The following PRKAG2 variants were observed in gnomAD, a reference collection of about 807,000 sequenced individuals.
PRKAG2 encodes the protein 5'-AMP-activated protein kinase subunit gamma-2.
A neutral mutation model predicts 69.6 loss-of-function variants in PRKAG2; 26 were observed. That is an observed-to-expected ratio of 0.37 (90% CI 0.27 to 0.52). The LOEUF is 0.52. PRKAG2 is among the 20% of genes least tolerant of loss of function. The pLI, the probability that PRKAG2 is intolerant of heterozygous loss-of-function variation, is 0.90. For synonymous variants in PRKAG2, 293 were observed against 285.0 expected (o/e 1.03, Z -0.28); for missense variants, 557 against 740.0 (o/e 0.75, Z 2.87).
At chr7:151,804,593 T>C (rs1407520750) in intron 1 of PRKAG2, among the ~76,000 whole-genome samples, 3 of 152,106 alleles carry the variant, frequency 2.0e-5, no homozygotes, top group Admixed American at 6.6e-5. Context: ...GACAGTTTGC[T>C]CTCCTAACTA....
chr7:151,693,748 C>A (rs1164310743), intron 3 of PRKAG2, among the ~76,000 whole-genome samples: 1 of 152,158 alleles, frequency 6.6e-6, no homozygotes, highest in Admixed American at 6.5e-5. Context: ...CGCAGAGAGA[C>A]CCCTCCTCCT....
chr7:151,709,079 C>T lies in PRKAG2; in HGVS notation c.467-33442G>A, dbSNP rs1839104318. 2.0e-5 allele frequency among the ~76,000 whole-genome samples: 3 copies of T among 151,900 alleles called. No individual in the cohort carries two copies. In the South Asian group the frequency reaches 6.2e-4, roughly 32 times the overall value. On this transcript the variant is annotated intron_variant, in intron 3 of 15. Transcript: ENST00000287878. ...GCATGACATTGAGTGACGTGTGTGA[C>T]ACTGACACGTGATATTGAGTGATAT...
Position 151,683,054 on chromosome 7 carries a change from C to G in PRKAG2, c.467-7417G>C, listed in dbSNP as rs117398030. ...TGCTCCTTAAGGACTTTGTTTAGGACGCCGCCAGCCTCTGCAGTGAACAAT... is the reference window on the plus strand; with the variant it reads ...TGCTCCTTAAGGACTTTGTTTAGGAGGCCGCCAGCCTCTGCAGTGAACAAT... On this transcript the variant is annotated intron_variant, in intron 3 of 15. Transcript: ENST00000287878. Among the ~76,000 whole-genome samples the G allele has an allele frequency of 5.7e-3, 862 of 152,348 alleles. 8 individuals are homozygous for G. The highest frequency in any genetic ancestry group is 9.5e-3 in the Non-Finnish European group (644 of 68,016).
chr7:151,762,944 C>A (rs952647534), intron 3 of PRKAG2, among the ~76,000 whole-genome samples: 2 of 152,148 alleles, frequency 1.3e-5, no homozygotes, highest in Non-Finnish European at 2.9e-5. Context: ...AGGAGGCGTC[C>A]CCCAAAGCAA....
At chr7:151,826,784 A>G (rs889594042) in intron 1 of PRKAG2, among the ~76,000 whole-genome samples, 1 of 152,216 alleles carries the variant, frequency 6.6e-6, no homozygotes, top group African/African-American at 2.4e-5. Flanking sequence ...CTTGTTTTTC[A>G]CAAAATACCA....
At chr7:151,832,272 GA>G (rs1251771479) in intron 1 of PRKAG2, among the ~76,000 whole-genome samples, 1 of 146,328 alleles carries the variant, frequency 6.8e-6, no homozygotes, top group African/African-American at 2.6e-5. Context: ...AGGAAGGGAG[GA>G]GGGAAGGAAG....
At chr7:151,711,437 T>C (rs919170430) in intron 3 of PRKAG2, among the ~76,000 whole-genome samples, 3 of 152,106 alleles carry the variant, frequency 2.0e-5, no homozygotes, top group Non-Finnish European at 4.4e-5. Context: ...CTTAGAGTAC[T>C]AAGAGTGCTA....
rs2076636539 is a variant in PRKAG2 at position 151,780,976 on chromosome 7, G to C, written c.466+176C>G. ...AAGAAAGTGACAGGTGGAAACTGAT[G>C]TTCTGGAGAGAGATTTGTTTAGGGG... On this transcript the variant is annotated intron_variant, in intron 3 of 15. Transcript: ENST00000287878. This position sits in a 1 kb window ranked among gnomAD's most constrained non-coding sequence, Gnocchi z 4.2. Among the ~76,000 whole-genome samples the C allele has an allele frequency of 6.6e-6, 1 of 152,168 alleles. No homozygotes were observed. Among genetic ancestry groups the C allele is most frequent in the African/African-American group, 2.4e-5 (1 of 41,432 alleles).
intron 3 of PRKAG2, among the ~76,000 whole-genome samples, chr7:151,778,622 T>C (rs1302137323): frequency 6.6e-6 from 1 of 152,272 alleles, no homozygotes; most frequent in Non-Finnish European, 1.5e-5. Flanking sequence ...GGGCCTTGGC[T>C]GTCCCCAGGC....
intron 1 of PRKAG2, among the ~76,000 whole-genome samples, chr7:151,803,937 CAAAA>C (rs71198732): frequency 3.0e-4 from 32 of 107,040 alleles, no homozygotes; most frequent in South Asian, 6.3e-4. Context: ...GACTATGTCT[CAAAA>C]AAAAAAAAAA....
At chr7:151,601,162 C>T (rs951482800) in intron 5 of PRKAG2, among the ~76,000 whole-genome samples, 2 of 152,162 alleles carry the variant, frequency 1.3e-5, no homozygotes, top group African/African-American at 4.8e-5. Flanking sequence ...GTTATCCACC[C>T]TCAAAGCTTA....
At position 151,583,132 on chromosome 7, in the gene PRKAG2, T is replaced by C. The variant is rs111840915; in HGVS notation, c.865-6680A>G. Among the ~76,000 whole-genome samples the C allele has an allele frequency of 7.0e-3, 1,059 of 152,312 alleles. 18 individuals are homozygous for C. Among genetic ancestry groups the C allele is most frequent in the African/African-American group, 0.024 (1,003 of 41,564 alleles). ...ACCTCGTAGGCTCAAGTGATCCTTA[T>C]GCCTCAGCCTCCTGAGTAGCTGGGA... On this transcript the variant is annotated intron_variant, in intron 6 of 15. Coordinates refer to ENST00000287878, the MANE Select transcript of PRKAG2 (RefSeq NM_016203.4). This position sits in a 1 kb window ranked among gnomAD's most constrained non-coding sequence, Gnocchi z 4.1.
chr7:151,768,414 C>T (rs2075849811), intron 3 of PRKAG2, among the ~76,000 whole-genome samples: 1 of 152,182 alleles, frequency 6.6e-6, no homozygotes, highest in South Asian at 2.1e-4. Context: ...GAAGCTTCAT[C>T]AATAAAGTTT....
chr7:151,755,926 G>A (rs1244861418), intron 3 of PRKAG2, among the ~76,000 whole-genome samples: 2 of 152,212 alleles, frequency 1.3e-5, no homozygotes, highest in Admixed American at 1.3e-4. Context: ...TAAATCACCT[G>A]TGCACACCAT....
intron 3 of PRKAG2, among the ~76,000 whole-genome samples, chr7:151,688,301 T>C (rs1375150716): frequency 6.6e-6 from 1 of 152,104 alleles, no homozygotes; most frequent in Non-Finnish European, 1.5e-5. Flanking sequence ...AGGACTAGAG[T>C]TCGAGATTTC....
chr7:151,651,415 T>C (rs1294925248), intron 4 of PRKAG2, among the ~76,000 whole-genome samples: 1 of 152,188 alleles, frequency 6.6e-6, no homozygotes, highest in Non-Finnish European at 1.5e-5. Context: ...GAGACCATCC[T>C]GGCCAACATA....
intron 15 of PRKAG2, 139 bp downstream of exon 15, chr7:151,560,385 G>A (rs748077456): frequency 9.5e-6 from 15 of 1,572,762 alleles, no homozygotes; most frequent in African/African-American, 2.7e-5. Flanking sequence ...AAGAGAAAAC[G>A]AAAATGGTTT....
chr7:151,834,692 G>T (rs188717941), intron 1 of PRKAG2, among the ~76,000 whole-genome samples: 1 of 152,226 alleles, frequency 6.6e-6, no homozygotes, highest in Non-Finnish European at 1.5e-5. Context: ...GTGCAGAGAG[G>T]TTTAAGCCCC....
Position 151,565,711 on chromosome 7 carries a change from C to A in PRKAG2, c.1399+9G>T. The A allele has an allele frequency of 6.2e-7, 1 of 1,611,890 alleles. No individual in the cohort carries two copies. Among genetic ancestry groups the A allele is most frequent in the Non-Finnish European group, 8.5e-7 (1 of 1,177,938 alleles). On this transcript the variant is annotated intron_variant, in intron 12 of 15. Coordinates refer to ENST00000287878, the MANE Select transcript of PRKAG2 (RefSeq NM_016203.4). The stretch of plus-strand genomic sequence containing the variant: ...ATTATTTCTGCCTGTCAGCGCCAAA[C>A]ACACAAACCTGACTCATCCACAACA...
Sources: allele counts gnomAD v4.1 joint callset (sites outside exome capture counted in the v4.1 genomes callset), GRCh38; gene constraint gnomAD v4.1.1; non-coding constraint Gnocchi (gnomAD v3.1); transcripts MANE v1.5; gene names NCBI Gene and HGNC (gene_info 2026-07-23, HGNC 2026-07-21).